CEP170B: variants seen among roughly 807,000 people sequenced by gnomAD.
CEP170B encodes centrosomal protein of 170 kDa protein B.
A neutral mutation model predicts 120.6 loss-of-function variants in CEP170B; 55 were observed. The observed-to-expected ratio is 0.46, with a 90% confidence interval of 0.37 to 0.57. The LOEUF is 0.57. Ranked by LOEUF, CEP170B falls within the 20% of genes least tolerant of loss-of-function variation. CEP170B has a pLI of 0.00. For synonymous variants in CEP170B, 1,033 were observed against 954.5 expected (o/e 1.08, Z -1.52); for missense variants, 2,212 against 2,253.3 (o/e 0.98, Z 0.37).
At chr14:104,892,899 G>C in intron 13 of CEP170B, 77 bp from the exon 14 acceptor site, 2 of 1,478,780 alleles carry the variant, frequency 1.4e-6, no homozygotes, top group South Asian at 2.4e-5. Context: ...GAGCTGGGAG[G>C]GGCTTTGAGG....
chr14:104,881,523 G>A (rs915085373), intron 6 of CEP170B, among the ~76,000 whole-genome samples: 7 of 152,200 alleles, frequency 4.6e-5, no homozygotes, highest in African/African-American at 1.7e-4. Context: ...GACCGCTGGG[G>A]ACTGGGAAGC....
At chr14:104,869,971 C>T (rs1276623090) in intron 2 of CEP170B, among the ~76,000 whole-genome samples, 1 of 152,242 alleles carries the variant, frequency 6.6e-6, no homozygotes, top group Non-Finnish European at 1.5e-5. Flanking sequence ...CCCAGCAGGT[C>T]TCTCACCTTG....
rs1896944643 is a variant in CEP170B, at chr14:104,893,460, T to C, written c.4039-63T>C. 1.9e-6 allele frequency: 3 copies of C among 1,549,788 alleles called. No individual in the cohort carries two copies. The South Asian group carries it at 3.6e-5, about 19-fold the overall frequency. The stretch of plus-strand genomic sequence containing the variant: ...CACCTGCCGGGCCGGAGCAGGGAGG[T>C]GCAGCCACAGCCTGGCAGGAGCCTC... On this transcript the variant is annotated intron_variant, in intron 14 of 18. Transcript: ENST00000414716.
At chr14:104,872,263 C>T (rs1183012492) in intron 2 of CEP170B, among the ~76,000 whole-genome samples, 3 of 104,814 alleles carry the variant, frequency 2.9e-5, no homozygotes, top group East Asian at 2.8e-4. Flanking sequence ...CATGTGTGTG[C>T]GTGTGGGTGT....
rs1487539170 is a variant in CEP170B at position 104,885,454 on chromosome 14, C to T, written c.1856C>T (p.Ser619Phe). ...GTCATCAGAGGGGACAGAGATGAGTCTGATGACGGGGGCGTGGCCCAGCGG... is the reference window on the plus strand; with the variant it reads ...GTCATCAGAGGGGACAGAGATGAGTTTGATGACGGGGGCGTGGCCCAGCGG... Reference protein sequence around the residue: ...RPVIRGDRDESDDGGVAQRMA... With the variant: ...RPVIRGDRDEFDDGGVAQRMA... The change falls in exon 10 of 19, where the codon TCT (serine) becomes TTT (phenylalanine). Residue 619 changes from serine (S) to phenylalanine (F), a missense_variant. Ser to Phe is a radical substitution (Grantham distance 155). Around this residue, in one of 2 missense-constraint regions of CEP170B, gnomAD observed 2,166 missense variants for 2,166.7 expected, o/e 1.00. Transcript: ENST00000414716. The T allele has an allele frequency of 3.8e-6, 6 of 1,563,628 alleles. No homozygotes were observed. The highest frequency in any genetic ancestry group is 3.5e-6 in the Non-Finnish European group (4 of 1,155,122).
chr14:104,880,755 C>T (rs982287807), intron 6 of CEP170B, among the ~76,000 whole-genome samples: 2 of 152,042 alleles, frequency 1.3e-5, no homozygotes, highest in African/African-American at 4.8e-5. Context: ...CCCCTGTGCA[C>T]ACCTACCCAT....
In CEP170B at chr14:104,865,791, A is replaced by C. The variant is rs527726822; in HGVS notation, c.-28+278A>C. Among the ~76,000 whole-genome samples the C allele has an allele frequency of 1.9e-4, 29 of 151,788 alleles. 1 individual carries two copies. The South Asian group carries it at 5.8e-3, about 30-fold the overall frequency. ...TCCCCGCCCCGGCACCGGCTCGGCCATGGCCGCCCCCGGAGAGCGCTGATT... is the reference window on the plus strand; with the variant it reads ...TCCCCGCCCCGGCACCGGCTCGGCCCTGGCCGCCCCCGGAGAGCGCTGATT... On this transcript the variant is annotated intron_variant, in intron 1 of 18. Coordinates refer to ENST00000414716, the MANE Select transcript of CEP170B (RefSeq NM_001112726.3). This position sits in a 1 kb window ranked among gnomAD's most constrained non-coding sequence, Gnocchi z 6.7.
At chr14:104,889,154 C>T (rs1289402416) in intron 12 of CEP170B, among the ~76,000 whole-genome samples, 1 of 152,144 alleles carries the variant, frequency 6.6e-6, no homozygotes, top group African/African-American at 2.4e-5. Context: ...CAGCCTGGGC[C>T]GCAGCAGGTC....
chr14:104,880,486 G>T, intron 6 of CEP170B, 61 bp downstream of exon 6: 2 of 1,577,720 alleles, frequency 1.3e-6, no homozygotes, highest in South Asian at 2.3e-5. Context: ...CCTCTGCCCC[G>T]CACCTGCCTC....
intron 8 of CEP170B, 93 bp from the exon 9 acceptor site, chr14:104,883,738 C>T: frequency 7.7e-7 from 1 of 1,296,180 alleles, no homozygotes; most frequent in East Asian, 2.5e-5. Context: ...GCTTTGTCAA[C>T]TCAGCTAAGG....
In CEP170B at chr14:104,884,102, C is replaced by T. The variant is rs143836703; in HGVS notation, c.1323C>T (p.Ala441=). Residue 441 remains alanine, a synonymous_variant, in exon 9 of 19, where the codon GCC becomes GCT. Transcript: ENST00000414716. The part of the protein sequence containing the change: ...KADKRRGPTP[A]DRDRPSVPAP... The stretch of plus-strand genomic sequence containing the variant: ...ACAAGCGCCGTGGCCCAACGCCGGC[C>T]GATAGGGACCGCCCCAGTGTCCCAG... The T allele has an allele frequency of 2.8e-3, 4,396 of 1,579,062 alleles. 122 individuals are homozygous for T. The African/African-American group carries it at 0.053, about 19-fold the overall frequency.
chr14:104,888,785 C>T (rs759089732), intron 12 of CEP170B, among the ~76,000 whole-genome samples: 1 of 152,254 alleles, frequency 6.6e-6, no homozygotes, highest in Non-Finnish European at 1.5e-5. Flanking sequence ...CACAGCCCCA[C>T]CCCAACTGCT....
In CEP170B at chr14:104,895,505, C is replaced by T. The variant is rs1236649481; in HGVS notation, c.*547C>T. On this transcript the variant is annotated 3_prime_UTR_variant, in exon 19 of 19. Coordinates refer to ENST00000414716, the MANE Select transcript of CEP170B (RefSeq NM_001112726.3). ...AGGGCACTTGCCCTGGTGGCTCCCA[C>T]CTGACCCCAGGCCTTTTATAGGCAG... The T allele has an allele frequency of 6.5e-6, 1 of 152,880 alleles. No homozygotes were observed. The highest frequency in any genetic ancestry group is 2.4e-5 in the African/African-American group (1 of 41,492). 9.5% of individuals were successfully genotyped at this position (152,880 alleles called of 1,614,324 possible).
intron 3 of CEP170B, among the ~76,000 whole-genome samples, chr14:104,877,387 G>C (rs1023136346): frequency 6.6e-5 from 10 of 152,196 alleles, no homozygotes; most frequent in African/African-American, 2.4e-4. Flanking sequence ...CCACAGACCT[G>C]CCTCCCACCT....
rs1288900768 is a variant in CEP170B at position 104,865,902 on chromosome 14, C to T, written c.-28+389C>T. ...CTCCCGCGGTCCCTCCCTCCGTCTTCCTCCTCCTCCCCTCTCTCCTCATTT... is the reference window on the plus strand; with the variant it reads ...CTCCCGCGGTCCCTCCCTCCGTCTTTCTCCTCCTCCCCTCTCTCCTCATTT... On this transcript the variant is annotated intron_variant, in intron 1 of 18. Transcript: ENST00000414716. This position sits in a 1 kb window ranked among gnomAD's most constrained non-coding sequence, Gnocchi z 6.7. Among the ~76,000 whole-genome samples the T allele has an allele frequency of 3.3e-5, 5 of 152,126 alleles. No individual in the cohort carries two copies. Among genetic ancestry groups the T allele is most frequent in the African/African-American group, 2.4e-5 (1 of 41,436 alleles).
In CEP170B at chr14:104,884,042, C is replaced by G. The variant is rs537857490; in HGVS notation, c.1263C>G (p.Ser421=). The G allele has an allele frequency of 1.9e-5, 30 of 1,610,250 alleles. No homozygotes were observed. The highest frequency in any genetic ancestry group is 1.3e-4 in the Admixed American group (8 of 59,802). Residue 421 remains serine, a synonymous_variant, in exon 9 of 19, where the codon TCC becomes TCG. Transcript: ENST00000414716. Reference sequence around the variant, plus strand: ...CACCCCGAAAGAAGCGCTCCCAGTCCTTCACGCACAGCCCGTCCGGGGACC... The same window carrying G: ...CACCCCGAAAGAAGCGCTCCCAGTCGTTCACGCACAGCCCGTCCGGGGACC... The part of the protein sequence containing the change: ...EDTPRKKRSQ[S]FTHSPSGDPK...
At chr14:104,888,003 C>T in intron 12 of CEP170B, 25 bp downstream of exon 12, 1 of 1,463,594 alleles carries the variant, frequency 6.8e-7, no homozygotes, top group Non-Finnish European at 9.0e-7. Context: ...GGGTGGGAGG[C>T]CAGGGCCAAG....
intron 2 of CEP170B, among the ~76,000 whole-genome samples, chr14:104,871,671 G>A (rs963501510): frequency 6.6e-6 from 1 of 152,142 alleles, no homozygotes; most frequent in Non-Finnish European, 1.5e-5. Context: ...GGGACTGGGC[G>A]GTCAGCAGAC....
intron 8 of CEP170B, 108 bp from the exon 9 acceptor site, chr14:104,883,722 TG>T: frequency 8.3e-7 from 1 of 1,198,144 alleles, no homozygotes. Context: ...CCCTGAGGGC[TG>T]GGGTGCTTTG....
Sources: allele counts gnomAD v4.1 joint callset (sites outside exome capture counted in the v4.1 genomes callset), GRCh38; gene constraint gnomAD v4.1.1; regional missense constraint gnomAD v4.1.1; non-coding constraint Gnocchi (gnomAD v3.1); transcripts MANE v1.5; gene names NCBI Gene and HGNC (gene_info 2026-07-23, HGNC 2026-07-21).